SCD5: variants seen among roughly 807,000 people sequenced by gnomAD.
SCD5 encodes stearoyl-CoA desaturase 5.
A neutral mutation model predicts 30.4 loss-of-function variants in SCD5; 20 were observed. The observed-to-expected ratio is 0.66, with a 90% CI of 0.46 to 0.96. The LOEUF is 0.96. Among genes scored for constraint, SCD5 ranks in the 40% least tolerant of loss-of-function variants. The probability of loss-of-function intolerance (pLI) is 0.00; values close to 1 mark genes in which losing one functional copy is unlikely to be tolerated. For synonymous variants in SCD5, 173 were observed against 176.4 expected, an observed-to-expected ratio of 0.98 and a Z score of 0.16; for missense variants, 381 against 443.3, an observed-to-expected ratio of 0.86 and a Z score of 1.26.
chr4:82,719,958 C>T lies in SCD5; in HGVS notation c.233-14545G>A, dbSNP rs566078212. 1.2e-3 allele frequency among the ~76,000 whole-genome samples: 187 copies of T among 151,760 alleles called. 1 individual carries two copies. Among genetic ancestry groups the T allele is most frequent in the Non-Finnish European group, 1.5e-3 (105 of 68,012 alleles). On this transcript the variant is annotated intron_variant, in intron 1 of 4. Coordinates refer to ENST00000319540, the MANE Select transcript of SCD5 (RefSeq NM_001037582.3). ...CTAGGATTACAGGCGCACACCACCA[C>T]GCCCAGCTAATTTTTGCATTTTTAG...
intron 3 of SCD5, among the ~76,000 whole-genome samples, chr4:82,668,425 G>A (rs1728238050): frequency 6.6e-6 from 1 of 152,162 alleles, no homozygotes; most frequent in African/African-American, 2.4e-5. Context: ...CCAAACTGGG[G>A]AGCTCTAGAA....
chr4:82,760,392 T>C (rs988724114), intron 1 of SCD5, among the ~76,000 whole-genome samples: 1 of 152,066 alleles, frequency 6.6e-6, no homozygotes, highest in African/African-American at 2.4e-5. Flanking sequence ...CCACTCTCCT[T>C]CTCACCCGTT....
intron 2 of SCD5, among the ~76,000 whole-genome samples, chr4:82,686,705 C>T (rs1273039305): frequency 6.6e-6 from 1 of 151,950 alleles, no homozygotes; most frequent in Non-Finnish European, 1.5e-5. Context: ...TTAGTGTTAC[C>T]TCATGGGAAT....
intron 2 of SCD5, among the ~76,000 whole-genome samples, chr4:82,702,128 A>ATTTTT (rs1162863297): frequency 2.4e-5 from 2 of 84,796 alleles, no homozygotes; most frequent in Non-Finnish European, 4.5e-5. Flanking sequence ...CCCCATCATC[A>ATTTTT]TCTTTTTTTT....
chr4:82,779,064 C>T (rs975661354), intron 1 of SCD5, among the ~76,000 whole-genome samples: 9 of 152,104 alleles, frequency 5.9e-5, no homozygotes, highest in African/African-American at 9.7e-5. Flanking sequence ...GGGGTTTCTC[C>T]ATGTTGGTCA....
chr4:82,681,719 A>C (rs994290146), intron 2 of SCD5, among the ~76,000 whole-genome samples: 2 of 151,970 alleles, frequency 1.3e-5, no homozygotes, highest in African/African-American at 4.8e-5. Context: ...CTGTACACAC[A>C]CCCCCATGAC....
intron 1 of SCD5, among the ~76,000 whole-genome samples, chr4:82,794,234 C>T (rs188423755): frequency 2.4e-4 from 36 of 152,250 alleles, no homozygotes; most frequent in African/African-American, 7.2e-4. Flanking sequence ...GTCACGTTTG[C>T]GCCAAGACAG....
intron 3 of SCD5, among the ~76,000 whole-genome samples, chr4:82,640,217 C>T (rs1727514327): frequency 1.3e-5 from 2 of 152,206 alleles, no homozygotes; most frequent in African/African-American, 2.4e-5. Flanking sequence ...TAAAGAGTCT[C>T]CTGCCTGCCT....
chr4:82,661,419 A>T (rs1728005135), intron 3 of SCD5, among the ~76,000 whole-genome samples: 1 of 152,250 alleles, frequency 6.6e-6, no homozygotes, highest in African/African-American at 2.4e-5. Flanking sequence ...GTCTCATAAT[A>T]CATTGCTGTC....
chr4:82,686,024 G>C (rs1406201634), intron 2 of SCD5, among the ~76,000 whole-genome samples: 1 of 139,620 alleles, frequency 7.2e-6, no homozygotes, highest in African/African-American at 2.8e-5. Flanking sequence ...TTTTTTTTTT[G>C]AGACAGGGTC....
chr4:82,670,797 CA>C (rs1332034127), intron 3 of SCD5, among the ~76,000 whole-genome samples: 1 of 151,470 alleles, frequency 6.6e-6, no homozygotes, highest in Non-Finnish European at 1.5e-5. Flanking sequence ...TGGCAAATAT[CA>C]ATTCCATATC....
chr4:82,642,807 G>A (rs1727571481), intron 3 of SCD5, among the ~76,000 whole-genome samples: 2 of 152,186 alleles, frequency 1.3e-5, no homozygotes, highest in Non-Finnish European at 2.9e-5. Flanking sequence ...CTCTGGTCTG[G>A]GCATTTCTAT....
At chr4:82,745,589 T>C (rs1266010689) in intron 1 of SCD5, among the ~76,000 whole-genome samples, 2 of 152,194 alleles carry the variant, frequency 1.3e-5, no homozygotes, top group South Asian at 2.1e-4. Flanking sequence ...CCATGGTGGT[T>C]TGCTGCACAG....
chr4:82,758,921 C>T (rs903521270), intron 1 of SCD5, among the ~76,000 whole-genome samples: 7 of 152,158 alleles, frequency 4.6e-5, no homozygotes. Context: ...ACATCCCCTA[C>T]AATCCTGCGA....
At chr4:82,638,601 G>A (rs1174670472) in intron 3 of SCD5, among the ~76,000 whole-genome samples, 1 of 152,184 alleles carries the variant, frequency 6.6e-6, no homozygotes, top group African/African-American at 2.4e-5. Flanking sequence ...AGGTCTGCTT[G>A]GGTCAGAACA....
chr4:82,632,056 T>C (rs6535359), intron 4 of SCD5, among the ~76,000 whole-genome samples: 40,267 of 151,964 alleles, frequency 0.26, 6,355 homozygotes, highest in African/African-American at 0.44. Flanking sequence ...TTTATTATAC[T>C]TTAAGTTCTA....
chr4:82,644,315 C>T (rs1560522524), intron 3 of SCD5, among the ~76,000 whole-genome samples: 1 of 152,202 alleles, frequency 6.6e-6, no homozygotes, highest in Non-Finnish European at 1.5e-5. Context: ...CTTGCTTCTG[C>T]CCCTTCTTCC....
chr4:82,712,301 AT>A (rs1720126478), intron 1 of SCD5, among the ~76,000 whole-genome samples: 1 of 17,648 alleles, frequency 5.7e-5, no homozygotes, highest in Non-Finnish European at 1.1e-4. Flanking sequence ...TATATATTTT[AT>A]TTTTATTTTA....
intron 1 of SCD5, among the ~76,000 whole-genome samples, chr4:82,789,434 C>T (rs1337807251): frequency 6.6e-6 from 1 of 152,166 alleles, no homozygotes; most frequent in Non-Finnish European, 1.5e-5. Flanking sequence ...AGATGAATCA[C>T]CTGGAGATGT....
Sources: gnomAD v4.1 joint callset for allele counts (sites outside exome capture counted in the v4.1 genomes callset) on GRCh38, gnomAD v4.1.1 for gene constraint, MANE v1.5 for transcripts, NCBI Gene and HGNC (gene_info 2026-07-23, HGNC 2026-07-21) for gene names.